Variants in PCDHA7 observed in about 807,000 individuals in gnomAD.
PCDHA7 encodes the protein protocadherin alpha-7.
A neutral mutation model predicts 57.2 loss-of-function variants in PCDHA7; 37 were observed. The ratio of observed to expected loss-of-function variants is 0.65; its 90% CI spans 0.50 to 0.85. The LOEUF (loss-of-function observed/expected upper bound fraction) is 0.85, where lower values mean the gene tolerates loss of function less well. PCDHA7 is among the 40% of genes least tolerant of loss of function. PCDHA7 has a pLI of 0.00. For missense variants in PCDHA7, 1,188 were observed against 1,241.8 expected (o/e 0.96, Z 0.65); for synonymous variants, 553 against 558.8 (o/e 0.99, Z 0.15).
At chr5:140,989,527 G>A (rs1172019994) in intron 3 of PCDHA7, among the ~76,000 whole-genome samples, 1 of 152,192 alleles carries the variant, frequency 6.6e-6, no homozygotes, top group Non-Finnish European at 1.5e-5. Flanking sequence ...GGGCAGAGGA[G>A]GAAGATAGTT....
chr5:140,856,981 C>T lies in PCDHA7; in HGVS notation c.2355+20243C>T, dbSNP rs1554149362. 1.2e-5 allele frequency: 19 copies of T among 1,594,810 alleles called. 1 individual carries two copies. Among genetic ancestry groups the T allele is most frequent in the Non-Finnish European group, 1.5e-5 (18 of 1,164,604 alleles). Reference sequence around the variant, plus strand: ...TAAATGATGCTATTGACTTTGAGGACAGTAACACTTATGAAATTCATGTAG... The same window carrying T: ...TAAATGATGCTATTGACTTTGAGGATAGTAACACTTATGAAATTCATGTAG... On this transcript the variant is annotated intron_variant, in intron 1 of 3. Transcript: ENST00000525929.
Position 141,009,823 on chromosome 5 carries a change from C to T in PCDHA7, c.2700C>T (p.Phe900=), listed in dbSNP as rs2098414711. Residue 900 remains phenylalanine, a synonymous_variant, in exon 4 of 4, where the codon TTC becomes TTT. Transcript: ENST00000525929. The part of the protein sequence containing the change: ...PTNSQIDKSD[F]ITFGKKEETK... ...ACAGCCAAATTGACAAAAGTGACTTCATAACCTTCGGCAAAAAGGAGGAGA... is the reference window on the plus strand; with the variant it reads ...ACAGCCAAATTGACAAAAGTGACTTTATAACCTTCGGCAAAAAGGAGGAGA... 4 of 1,614,030 alleles carry T rather than the reference C, an allele frequency of 2.5e-6. No individual in the cohort carries two copies. The highest frequency in any genetic ancestry group is 3.4e-6 in the Non-Finnish European group (4 of 1,180,010).
intron 1 of PCDHA7, among the ~76,000 whole-genome samples, chr5:140,879,587 G>A (rs904371743): frequency 6.6e-6 from 1 of 152,186 alleles, no homozygotes. Context: ...GACAGACATT[G>A]AAAAGTGAAA....
At chr5:140,985,582 C>T (rs2097158950) in intron 3 of PCDHA7, among the ~76,000 whole-genome samples, 1 of 152,116 alleles carries the variant, frequency 6.6e-6, no homozygotes, top group Admixed American at 6.5e-5. Context: ...CCTAAGCCTC[C>T]TTATACTTGC....
intron 1 of PCDHA7, among the ~76,000 whole-genome samples, chr5:140,918,479 G>T (rs895821639): frequency 1.3e-5 from 2 of 152,092 alleles, no homozygotes; most frequent in Non-Finnish European, 2.9e-5. Flanking sequence ...AGTCTCAAGG[G>T]GAATGCTTTG....
chr5:140,863,653 T>C (rs2048107718), intron 1 of PCDHA7: 1 of 297,060 alleles, frequency 3.4e-6, no homozygotes, highest in Admixed American at 4.5e-5. Flanking sequence ...ATTAATTTGA[T>C]TGCTTTATTT....
At chr5:140,884,395 C>T (rs1554181520) in intron 1 of PCDHA7, 1 of 1,614,000 alleles carries the variant, frequency 6.2e-7, no homozygotes, top group African/African-American at 1.3e-5. Context: ...CGGTGTCCAG[C>T]CTGTTGGTGC....
intron 1 of PCDHA7, among the ~76,000 whole-genome samples, chr5:140,937,848 C>G (rs939450579): frequency 1.4e-5 from 2 of 145,938 alleles, no homozygotes; most frequent in African/African-American, 2.5e-5. Flanking sequence ...GAAGGCGGAA[C>G]TTGGAGTGAG....
chr5:140,961,715 A>G (rs1363525264), intron 1 of PCDHA7, among the ~76,000 whole-genome samples: 2 of 152,160 alleles, frequency 1.3e-5, no homozygotes, highest in Non-Finnish European at 2.9e-5. Flanking sequence ...TTCATTTCTA[A>G]GTGCTCATAA....
At chr5:140,853,717 A>G in intron 1 of PCDHA7, 1 of 988,104 alleles carries the variant, frequency 1.0e-6, no homozygotes, top group Non-Finnish European at 1.2e-6. Context: ...CATTAGCAGC[A>G]CCTAAGTCCT....
intron 1 of PCDHA7, chr5:140,848,130 C>T (rs1423427149): frequency 5.3e-6 from 1 of 190,174 alleles, no homozygotes. Flanking sequence ...CAAGGTCATA[C>T]AAAACTTTTA....
At position 140,871,104 on chromosome 5, in the gene PCDHA7, G is replaced by A. The variant is rs377444052; in HGVS notation, c.2355+34366G>A. 1,642 of 1,613,308 alleles carry A rather than the reference G, an allele frequency of 1.0e-3. 2 individuals are homozygous for A. Among genetic ancestry groups the A allele is most frequent in the Non-Finnish European group, 1.0e-3 (1,175 of 1,179,876 alleles). On this transcript the variant is annotated intron_variant, in intron 1 of 3. Coordinates refer to ENST00000525929, the MANE Select transcript of PCDHA7 (RefSeq NM_018910.3). ...CGGCCACGGCCACCGTGCTGGTGTC[G>A]TTGGTGGAGAGCGGACAGGCGCCAA...
chr5:140,898,579 T>A (rs1471026172), intron 1 of PCDHA7, among the ~76,000 whole-genome samples: 1 of 152,222 alleles, frequency 6.6e-6, no homozygotes, highest in African/African-American at 2.4e-5. Flanking sequence ...GCCATGCTGT[T>A]TTGGTTACTG....
chr5:140,985,675 T>C (rs1477813786), intron 3 of PCDHA7, among the ~76,000 whole-genome samples: 1 of 151,998 alleles, frequency 6.6e-6, no homozygotes, highest in Non-Finnish European at 1.5e-5. Context: ...AAGTGGGGCC[T>C]GCCTTACGCT....
rs1355633400 is a variant in PCDHA7 at position 140,846,435 on chromosome 5, C to G, written c.2355+9697C>G. ...TATCTCCCAGGCTGGAATGCAGTGG[C>G]GCAATCTCGGCTCACTGCAACCTCT... On this transcript the variant is annotated intron_variant, in intron 1 of 3. Transcript: ENST00000525929. Among the ~76,000 whole-genome samples, 18 of 133,632 alleles carry G rather than the reference C, an allele frequency of 1.3e-4. 1 individual carries two copies. Among genetic ancestry groups the G allele is most frequent in the African/African-American group, 4.0e-4 (14 of 35,360 alleles). 87.7% of individuals were successfully genotyped at this position (133,632 alleles called of 152,430 possible).
intron 3 of PCDHA7, among the ~76,000 whole-genome samples, chr5:140,993,452 T>C (rs1218728585): frequency 1.5e-5 from 2 of 135,256 alleles, no homozygotes; most frequent in Non-Finnish European, 3.1e-5. Flanking sequence ...CTGTTCTCCT[T>C]CTTTCTTTCT....
intron 3 of PCDHA7, among the ~76,000 whole-genome samples, chr5:140,993,152 C>A (rs932484139): frequency 2.6e-4 from 39 of 152,142 alleles, no homozygotes; most frequent in African/African-American, 9.2e-4. Context: ...TAAATGGATT[C>A]TAAATATTTG....
chr5:140,926,767 C>A (rs1323702990), intron 1 of PCDHA7: 1 of 1,359,024 alleles, frequency 7.4e-7, no homozygotes, highest in East Asian at 2.7e-5. Context: ...AGTATCCAGC[C>A]CGCAGCAGTG....
chr5:140,890,543 CTGAG>C (rs1391853747), intron 1 of PCDHA7, among the ~76,000 whole-genome samples: 1 of 152,012 alleles, frequency 6.6e-6, no homozygotes, highest in African/African-American at 2.4e-5. Context: ...TTTGAAATGA[CTGAG>C]TACTTTTTAT....
Sources: gnomAD v4.1 joint callset for allele counts (sites outside exome capture counted in the v4.1 genomes callset) on GRCh38, gnomAD v4.1.1 for gene constraint, MANE v1.5 for transcripts, NCBI Gene and HGNC (gene_info 2026-07-23, HGNC 2026-07-21) for gene names.